LAMA2: variants seen among roughly 807,000 people sequenced by gnomAD.
LAMA2 encodes laminin subunit alpha-2.
A neutral mutation model predicts 364.8 loss-of-function variants in LAMA2; 269 were observed. The observed-to-expected ratio is 0.74, with a 90% confidence interval of 0.67 to 0.82. The LOEUF (loss-of-function observed/expected upper bound fraction) is 0.82, where lower values mean the gene tolerates loss of function less well. LAMA2 is among the 40% of genes least tolerant of loss of function. The pLI is 0.00. For missense variants in LAMA2, 3,807 were observed against 3,873.2 expected, an observed-to-expected ratio of 0.98 and a Z score of 0.45; for synonymous variants, 1,379 against 1,370.6, an observed-to-expected ratio of 1.01 and a Z score of -0.14.
intron 45 of LAMA2, among the ~76,000 whole-genome samples, chr6:129,451,900 C>T (rs1782694694): frequency 6.6e-6 from 1 of 152,076 alleles, no homozygotes; most frequent in African/African-American, 2.4e-5. Context: ...TCTGCACAGC[C>T]CTTTCATGGA....
intron 34 of LAMA2, among the ~76,000 whole-genome samples, chr6:129,381,895 C>T (rs1778712539): frequency 6.6e-6 from 1 of 152,118 alleles, no homozygotes. Context: ...AATAGTTGGA[C>T]TTTATATTCC....
chr6:129,255,505 AC>A (rs1786597735), intron 14 of LAMA2, among the ~76,000 whole-genome samples: 1 of 148,770 alleles, frequency 6.7e-6, no homozygotes, highest in South Asian at 2.1e-4. Flanking sequence ...AGAGGATTTT[AC>A]ATGAGTAAGC....
intron 3 of LAMA2, among the ~76,000 whole-genome samples, chr6:129,060,479 T>C (rs1788822157): frequency 6.6e-6 from 1 of 152,228 alleles, no homozygotes; most frequent in Non-Finnish European, 1.5e-5. Flanking sequence ...TTCTTCCTTC[T>C]CTTCACAATA....
chr6:129,338,443 TGTTAAATATG>T (rs1776076604), intron 29 of LAMA2, among the ~76,000 whole-genome samples: 1 of 152,212 alleles, frequency 6.6e-6, no homozygotes, highest in South Asian at 2.1e-4. Context: ...ATAATGCTAC[TGTTAAATATG>T]GAATGGCTCT....
At chr6:129,329,004 A>C (rs1775465997) in intron 29 of LAMA2, among the ~76,000 whole-genome samples, 1 of 152,002 alleles carries the variant, frequency 6.6e-6, no homozygotes, top group Non-Finnish European at 1.5e-5. Flanking sequence ...TTATTTTTTT[A>C]TGTTTCTGCT....
intron 1 of LAMA2, among the ~76,000 whole-genome samples, chr6:128,965,034 C>T (rs1781748816): frequency 6.6e-6 from 1 of 151,906 alleles, no homozygotes; most frequent in Non-Finnish European, 1.5e-5. Flanking sequence ...CCCTCATGAA[C>T]AGTTTATATG....
chr6:129,495,762 C>G (rs979945992), intron 58 of LAMA2, among the ~76,000 whole-genome samples: 2 of 152,042 alleles, frequency 1.3e-5, no homozygotes, highest in African/African-American at 4.8e-5. Flanking sequence ...AGAGATCACA[C>G]TTTTTCCTTT....
At chr6:129,254,212 A>C (rs970807422) in intron 14 of LAMA2, among the ~76,000 whole-genome samples, 2 of 152,244 alleles carry the variant, frequency 1.3e-5, no homozygotes, top group African/African-American at 2.4e-5. Flanking sequence ...ATTTACTTCC[A>C]TGGCAGTTCT....
At chr6:129,379,626 C>G (rs926522420) in intron 34 of LAMA2, among the ~76,000 whole-genome samples, 1 of 152,122 alleles carries the variant, frequency 6.6e-6, no homozygotes, top group Non-Finnish European at 1.5e-5. Flanking sequence ...TTCCTGCCCC[C>G]TACTGCCACT....
At chr6:128,905,366 T>A (rs1037520468) in intron 1 of LAMA2, 1 of 152,126 alleles carries the variant, frequency 6.6e-6, no homozygotes, top group Non-Finnish European at 1.5e-5. Context: ...TTCACTTTCC[T>A]AAATTTTAAC....
chr6:128,966,702 TC>T (rs896086326), intron 1 of LAMA2, among the ~76,000 whole-genome samples: 1 of 152,146 alleles, frequency 6.6e-6, no homozygotes, highest in Non-Finnish European at 1.5e-5. Context: ...CATTCATTAA[TC>T]CTTTTTAAAC....
At chr6:129,180,484 G>T (rs1780865634) in intron 10 of LAMA2, among the ~76,000 whole-genome samples, 1 of 151,882 alleles carries the variant, frequency 6.6e-6, no homozygotes, top group South Asian at 2.1e-4. Flanking sequence ...TTATCAGAAA[G>T]AAATATCTTA....
intron 4 of LAMA2, among the ~76,000 whole-genome samples, chr6:129,136,617 G>T (rs188906390): frequency 4.7e-5 from 7 of 150,298 alleles, no homozygotes; most frequent in East Asian, 3.9e-4. Flanking sequence ...TAGCAGAAAA[G>T]AAAAATAAAA....
chr6:129,465,422 T>C (rs1006560092), intron 51 of LAMA2, 133 bp downstream of exon 51: 5 of 761,934 alleles, frequency 6.6e-6, no homozygotes, highest in Admixed American at 2.0e-5. Flanking sequence ...TATACAGTCA[T>C]TTTTTTGGCT....
chr6:129,469,437 G>C (rs1442625704), intron 51 of LAMA2, among the ~76,000 whole-genome samples: 6 of 151,824 alleles, frequency 4.0e-5, no homozygotes, highest in Non-Finnish European at 7.4e-5. Flanking sequence ...AAATTAAAAA[G>C]ACTGACCATA....
intron 1 of LAMA2, among the ~76,000 whole-genome samples, chr6:128,907,797 G>C (rs1481194255): frequency 1.3e-5 from 2 of 152,102 alleles, no homozygotes; most frequent in African/African-American, 2.4e-5. Context: ...TTATTATTTT[G>C]AAATATGTCC....
intron 16 of LAMA2, among the ~76,000 whole-genome samples, chr6:129,267,861 T>TGA (rs776750285): frequency 3.3e-5 from 5 of 152,160 alleles, no homozygotes; most frequent in Non-Finnish European, 7.4e-5. Flanking sequence ...AGAATTACAC[T>TGA]GAATAGACCA....
chr6:129,066,705 A>G (rs1789383920), intron 3 of LAMA2, among the ~76,000 whole-genome samples: 1 of 152,252 alleles, frequency 6.6e-6, no homozygotes, highest in Non-Finnish European at 1.5e-5. Flanking sequence ...TCAAAACAGT[A>G]TGCTGCTAAC....
intron 32 of LAMA2, among the ~76,000 whole-genome samples, chr6:129,365,052 C>T (rs1777683078): frequency 6.6e-6 from 1 of 152,192 alleles, no homozygotes; most frequent in African/African-American, 2.4e-5. Context: ...ATACCTCCCA[C>T]GAGGCCCCAT....
Sources: allele counts gnomAD v4.1 joint callset (sites outside exome capture counted in the v4.1 genomes callset), GRCh38; gene constraint gnomAD v4.1.1; transcripts MANE v1.5; gene names NCBI Gene and HGNC (gene_info 2026-07-23, HGNC 2026-07-21).